Variants in SAMD4A observed in about 807,000 individuals in gnomAD.
SAMD4A encodes the protein sterile alpha motif domain containing 4A.
A neutral mutation model predicts 81.3 loss-of-function variants in SAMD4A; 33 were observed. The observed-to-expected ratio is 0.41, with a 90% CI of 0.31 to 0.54. The LOEUF is 0.54. Among genes scored for constraint, SAMD4A ranks in the 20% least tolerant of loss-of-function variants. The probability of loss-of-function intolerance (pLI) is 0.37; values close to 1 mark genes in which losing one functional copy is unlikely to be tolerated. For synonymous variants in SAMD4A, 389 were observed against 382.1 expected (o/e 1.02, Z -0.21); for missense variants, 854 against 951.1 (o/e 0.90, Z 1.34).
At chr14:54,753,328 C>T (rs1351019131) in intron 6 of SAMD4A, among the ~76,000 whole-genome samples, 127 of 139,150 alleles carry the variant, frequency 9.1e-4, no homozygotes, top group African/African-American at 1.5e-3. Flanking sequence ...TTTATTGAGA[C>T]TAGAGAATGG....
chr14:54,735,304 T>A (rs185950137), intron 3 of SAMD4A, among the ~76,000 whole-genome samples: 27 of 152,190 alleles, frequency 1.8e-4, no homozygotes, highest in African/African-American at 5.8e-4. Flanking sequence ...GGAGCCTTTT[T>A]AAATAGTTTC....
At chr14:54,627,166 G>A (rs2034784297) in intron 2 of SAMD4A, among the ~76,000 whole-genome samples, 1 of 152,100 alleles carries the variant, frequency 6.6e-6, no homozygotes, top group Admixed American at 6.5e-5. Context: ...TTTTCCTTCA[G>A]TACTTACCCT....
rs768342200 is a variant in SAMD4A at position 54,764,474 on chromosome 14, C to T, written c.1530C>T (p.Val510=). 88 of 1,611,254 alleles carry T rather than the reference C, an allele frequency of 5.5e-5. No homozygotes were observed. Among genetic ancestry groups the T allele is most frequent in the Non-Finnish European group, 6.8e-5 (80 of 1,178,076 alleles). Reference sequence around the variant, plus strand: ...TTACAGTGTGCACACAGCTCTTGGTCTCCAGACCTGATGAGGAAAATATAA... The same window carrying T: ...TTACAGTGTGCACACAGCTCTTGGTTTCCAGACCTGATGAGGAAAATATAA... ...VMGKVCTQLL[V]SRPDEENISS... The change falls in exon 8 of 13, where the codon GTC becomes GTT. Residue 510 remains valine, a synonymous_variant. Coordinates refer to ENST00000554335, the MANE Select transcript of SAMD4A (RefSeq NM_015589.6).
intron 2 of SAMD4A, among the ~76,000 whole-genome samples, chr14:54,585,608 C>G (rs372083703): frequency 1.3e-5 from 2 of 152,072 alleles, no homozygotes; most frequent in East Asian, 3.9e-4. Flanking sequence ...CTCCTTCCCC[C>G]GAGTCCCCAA....
At chr14:54,735,541 A>T (rs1367099045) in intron 3 of SAMD4A, among the ~76,000 whole-genome samples, 3 of 152,000 alleles carry the variant, frequency 2.0e-5, no homozygotes, top group Non-Finnish European at 4.4e-5. Context: ...GATTGTCCCC[A>T]CTTCACATAC....
intron 2 of SAMD4A, among the ~76,000 whole-genome samples, chr14:54,684,242 TAGTG>T (rs1389750523): frequency 6.6e-6 from 1 of 152,218 alleles, no homozygotes; most frequent in East Asian, 1.9e-4. Context: ...TTTACCGAGT[TAGTG>T]ACACCTCTAA....
chr14:54,623,919 C>A (rs1016891257), intron 2 of SAMD4A, among the ~76,000 whole-genome samples: 1 of 152,074 alleles, frequency 6.6e-6, no homozygotes, highest in Non-Finnish European at 1.5e-5. Flanking sequence ...TGTGAGGGGA[C>A]AATCTAACAG....
intron 2 of SAMD4A, among the ~76,000 whole-genome samples, chr14:54,698,553 T>C (rs916653187): frequency 1.1e-4 from 17 of 152,132 alleles, no homozygotes; most frequent in Non-Finnish European, 2.1e-4. Context: ...ATTAAGTGAG[T>C]AATTAAATGC....
At chr14:54,747,120 G>A (rs948971344) in intron 4 of SAMD4A, among the ~76,000 whole-genome samples, 4 of 152,164 alleles carry the variant, frequency 2.6e-5, no homozygotes, top group Non-Finnish European at 5.9e-5. Context: ...TGATGTGTTG[G>A]GGAAGCCTTG....
intron 2 of SAMD4A, among the ~76,000 whole-genome samples, chr14:54,659,168 C>T (rs187927486): frequency 5.3e-5 from 8 of 152,322 alleles, no homozygotes; most frequent in Admixed American, 1.3e-4. Context: ...GAGGTTTCCC[C>T]AGCCTTTTTT....
At chr14:54,712,480 T>C (rs899724708) in intron 3 of SAMD4A, among the ~76,000 whole-genome samples, 1 of 152,224 alleles carries the variant, frequency 6.6e-6, no homozygotes, top group Admixed American at 6.5e-5. Context: ...TTTTTTAGTA[T>C]GGCACTGGCC....
intron 2 of SAMD4A, among the ~76,000 whole-genome samples, chr14:54,659,309 T>C (rs182950060): frequency 2.0e-3 from 303 of 152,238 alleles, no homozygotes; most frequent in African/African-American, 6.9e-3. Context: ...AAATACATCA[T>C]AGTTGGGGAC....
intron 12 of SAMD4A, among the ~76,000 whole-genome samples, chr14:54,785,080 T>G (rs1379739241): frequency 6.6e-6 from 1 of 152,234 alleles, no homozygotes; most frequent in Non-Finnish European, 1.5e-5. Context: ...CTTAGAAATA[T>G]AATTTTTGAA....
At chr14:54,678,663 C>G (rs1451236654) in intron 2 of SAMD4A, among the ~76,000 whole-genome samples, 1 of 151,094 alleles carries the variant, frequency 6.6e-6, no homozygotes, top group Non-Finnish European at 1.5e-5. Context: ...ATTCTCCTGC[C>G]TCAGCCTCCT....
At chr14:54,634,858 CAT>C (rs1425358392) in intron 2 of SAMD4A, among the ~76,000 whole-genome samples, 1 of 152,098 alleles carries the variant, frequency 6.6e-6, no homozygotes, top group Non-Finnish European at 1.5e-5. Context: ...AATATACTAA[CAT>C]AGTAATAAAC....
intron 4 of SAMD4A, among the ~76,000 whole-genome samples, chr14:54,741,448 G>A (rs946617780): frequency 2.0e-5 from 3 of 152,216 alleles, no homozygotes; most frequent in Admixed American, 1.3e-4. Flanking sequence ...GGAAAGAGCA[G>A]GGGAAAAGAC....
chr14:54,577,081 C>G (rs933194122), intron 2 of SAMD4A, among the ~76,000 whole-genome samples: 1 of 152,214 alleles, frequency 6.6e-6, no homozygotes, highest in Non-Finnish European at 1.5e-5. Context: ...AAGCTGGTCA[C>G]TGCTGTGGGC....
intron 6 of SAMD4A, among the ~76,000 whole-genome samples, chr14:54,753,132 G>A (rs2038152323): frequency 6.6e-6 from 1 of 152,242 alleles, no homozygotes; most frequent in Admixed American, 6.5e-5. Context: ...AACTGCAAGA[G>A]GCTTTCCTCT....
At chr14:54,698,429 GC>G (rs2036627863) in intron 2 of SAMD4A, among the ~76,000 whole-genome samples, 1 of 152,152 alleles carries the variant, frequency 6.6e-6, no homozygotes, top group Non-Finnish European at 1.5e-5. Context: ...CCTCCATTCT[GC>G]CACTTCACTA....
Sources: gnomAD v4.1 joint callset for allele counts (sites outside exome capture counted in the v4.1 genomes callset) on GRCh38, gnomAD v4.1.1 for gene constraint, MANE v1.5 for transcripts, NCBI Gene and HGNC (gene_info 2026-07-23, HGNC 2026-07-21) for gene names.